SRGAP3: variants seen among roughly 807,000 people sequenced by gnomAD.
The protein encoded by SRGAP3 is SLIT-ROBO Rho GTPase activating protein 3.
A neutral mutation model predicts 121.1 loss-of-function variants in SRGAP3; 39 were observed. That is an observed-to-expected ratio of 0.32 (90% CI 0.25 to 0.42). The LOEUF is 0.42. SRGAP3 is among the 10% of genes least tolerant of loss of function. SRGAP3 has a pLI of 1.00. For missense variants in SRGAP3, 1,213 were observed against 1,470.6 expected, an observed-to-expected ratio of 0.82 and a Z score of 2.86; for synonymous variants, 601 against 570.0, an observed-to-expected ratio of 1.05 and a Z score of -0.77.
chr3:9,041,105 A>G (rs1944990646), intron 10 of SRGAP3, among the ~76,000 whole-genome samples: 1 of 152,260 alleles, frequency 6.6e-6, no homozygotes, highest in African/African-American at 2.4e-5. Flanking sequence ...CGATAGTGTA[A>G]TAAGTGCTGC....
intron 12 of SRGAP3, among the ~76,000 whole-genome samples, chr3:9,031,881 GC>G (rs1315671673): frequency 7.9e-5 from 12 of 152,176 alleles, no homozygotes; most frequent in Admixed American, 2.0e-4. Flanking sequence ...TGTTAAGAGT[GC>G]TTCTCCCCTT....
intron 12 of SRGAP3, among the ~76,000 whole-genome samples, chr3:9,029,851 C>T (rs1051025595): frequency 8.6e-5 from 13 of 151,682 alleles, no homozygotes; most frequent in Admixed American, 8.5e-4. Context: ...TAAAGCAACG[C>T]AATAGTAAGG....
At chr3:9,217,944 T>A (rs1952688083) in intron 1 of SRGAP3, 2 of 151,982 alleles carry the variant, frequency 1.3e-5, no homozygotes, top group South Asian at 4.2e-4. Context: ...GCCCTCACCA[T>A]CCGCAGCAGG....
At chr3:9,220,880 A>G (rs1013198811) in intron 1 of SRGAP3, among the ~76,000 whole-genome samples, 1 of 152,202 alleles carries the variant, frequency 6.6e-6, no homozygotes, top group Non-Finnish European at 1.5e-5. Flanking sequence ...GCTTGAGGAA[A>G]GGCAAAGCAA....
chr3:9,163,825 G>A (rs928616214), intron 1 of SRGAP3, among the ~76,000 whole-genome samples: 6 of 152,026 alleles, frequency 3.9e-5, no homozygotes, highest in African/African-American at 1.4e-4. Flanking sequence ...GGAAACCCTT[G>A]TCATTGTCAC....
chr3:9,276,427 T>C (rs981974406), intron 3 of SRGAP3, among the ~76,000 whole-genome samples: 6 of 113,306 alleles, frequency 5.3e-5, no homozygotes, highest in African/African-American at 2.0e-4. Context: ...TTTGACTGTT[T>C]GTTTTTTTTT....
intron 1 of SRGAP3, among the ~76,000 whole-genome samples, chr3:9,228,878 T>A (rs2648531): frequency 1.3e-5 from 2 of 149,512 alleles, no homozygotes; most frequent in African/African-American, 4.9e-5. Context: ...CTGGCTAACA[T>A]GGTGAAACCC....
At chr3:9,155,104 A>G (rs935021076) in intron 1 of SRGAP3, among the ~76,000 whole-genome samples, 32 of 151,596 alleles carry the variant, frequency 2.1e-4, no homozygotes, top group African/African-American at 7.0e-4. Context: ...GGTGTGTATT[A>G]AAGTGTCTTC....
At chr3:9,274,037 C>G (rs900461572) in intron 3 of SRGAP3, among the ~76,000 whole-genome samples, 2 of 152,158 alleles carry the variant, frequency 1.3e-5, no homozygotes, top group African/African-American at 4.8e-5. Flanking sequence ...GTCTTCCACT[C>G]TAATCTGTTT....
In SRGAP3 at chr3:9,106,410, C is replaced by T. The variant is rs566468932; in HGVS notation, c.261-1568G>A. On this transcript the variant is annotated intron_variant, in intron 2 of 21. Coordinates refer to ENST00000383836, the MANE Select transcript of SRGAP3 (RefSeq NM_014850.4). ...CAGGCCTGCCTTGTCCCACCCCTGT[C>T]CTGAGTGTGGACCACCTCCAGGAGC... 5.8e-4 allele frequency among the ~76,000 whole-genome samples: 89 copies of T among 152,310 alleles called. No homozygotes were observed. The South Asian group carries it at 0.017, about 29-fold the overall frequency.
intron 2 of SRGAP3, among the ~76,000 whole-genome samples, chr3:9,112,293 G>A (rs893365292): frequency 2.0e-5 from 3 of 152,188 alleles, no homozygotes; most frequent in African/African-American, 4.8e-5. Flanking sequence ...GCTTGCGTCC[G>A]AGAAATGCTA....
intron 1 of SRGAP3, chr3:9,348,529 C>T (rs1955948228): frequency 1.3e-6 from 1 of 758,426 alleles, no homozygotes. Flanking sequence ...ACAACACCGA[C>T]CTGAGCCCAG....
chr3:9,146,207 G>A (rs1950018210), intron 1 of SRGAP3, among the ~76,000 whole-genome samples: 1 of 152,186 alleles, frequency 6.6e-6, no homozygotes, highest in Non-Finnish European at 1.5e-5. Flanking sequence ...CGTGTTGACT[G>A]ACAAATCCTG....
chr3:9,126,567 T>C (rs1274585906), intron 1 of SRGAP3, among the ~76,000 whole-genome samples: 1 of 151,752 alleles, frequency 6.6e-6, no homozygotes, highest in African/African-American at 2.4e-5. Context: ...AAGGTGGAGG[T>C]TGCACGCCAT....
chr3:9,199,372 A>C (rs918036095), intron 1 of SRGAP3, among the ~76,000 whole-genome samples: 4 of 152,208 alleles, frequency 2.6e-5, no homozygotes, highest in Admixed American at 2.6e-4. Context: ...CCCGTTTTTC[A>C]ATCACACCAA....
At chr3:9,124,342 G>A (rs1949137167) in intron 2 of SRGAP3, among the ~76,000 whole-genome samples, 1 of 152,172 alleles carries the variant, frequency 6.6e-6, no homozygotes, top group Admixed American at 6.5e-5. Flanking sequence ...CCAAATAAAG[G>A]ACAACTGGAT....
intron 1 of SRGAP3, among the ~76,000 whole-genome samples, chr3:9,225,532 C>A (rs1171561756): frequency 6.6e-6 from 1 of 152,160 alleles, no homozygotes; most frequent in Non-Finnish European, 1.5e-5. Context: ...GAATTGGAGG[C>A]TGACTGTGTG....
intron 1 of SRGAP3, among the ~76,000 whole-genome samples, chr3:9,184,400 A>C (rs1951530019): frequency 6.6e-6 from 1 of 152,180 alleles, no homozygotes; most frequent in Non-Finnish European, 1.5e-5. Context: ...CCAGGTGTTA[A>C]GGTCTTTTGA....
In SRGAP3 at chr3:8,985,761, C is replaced by A. The variant is rs1467230797; in HGVS notation, c.3058G>T (p.Asp1020Tyr). 3.1e-6 allele frequency: 5 copies of A among 1,599,246 alleles called. 1 individual carries two copies. The South Asian group carries it at 4.4e-5, about 14-fold the overall frequency. Residue 1020 changes from aspartate to tyrosine, a missense_variant, in exon 22 of 22, where the codon GAC becomes TAC. This residue lies in a region of SRGAP3 where 420 missense variants were observed against 437.7 expected (regional missense o/e 0.96). Transcript: ENST00000383836. This position sits in a 1 kb window ranked among gnomAD's most constrained non-coding sequence, Gnocchi z 5.1. ...ASPLHTIVIR[D>Y]PDAAMRRSSS... ...CTGCGGCGCATGGCGGCATCGGGGT[C>A]GCGGATGACGATGGTGTGAAGGGGA...
Sources: gnomAD v4.1 joint callset for allele counts (sites outside exome capture counted in the v4.1 genomes callset) on GRCh38, gnomAD v4.1.1 for gene constraint, gnomAD v4.1.1 regional missense constraint, Gnocchi (gnomAD v3.1) non-coding constraint, MANE v1.5 for transcripts, NCBI Gene and HGNC (gene_info 2026-07-23, HGNC 2026-07-21) for gene names.